The following GBE1 variants were observed in gnomAD, a reference collection of about 807,000 sequenced individuals.
GBE1 encodes the protein 1,4-alpha-glucan branching enzyme 1.
GBE1 carries 70 observed loss-of-function variants against 88.8 expected under a neutral mutation model. That is an observed-to-expected ratio of 0.79 (90% confidence interval 0.65 to 0.96). GBE1 has a LOEUF of 0.96. Among genes scored for constraint, GBE1 ranks in the 40% least tolerant of loss-of-function variants. The pLI is 0.00. For synonymous variants in GBE1, 284 were observed against 300.1 expected (o/e 0.95, Z 0.56); for missense variants, 872 against 871.0 (o/e 1.00, Z -0.01).
rs1179222729 is a variant in GBE1, at chr3:81,720,320, C to CAT, written c.144-14708_144-14707insAT. 4.0e-5 allele frequency among the ~76,000 whole-genome samples: 6 copies of CAT among 150,210 alleles called. No individual in the cohort carries two copies. The East Asian group carries it at 7.8e-4, about 20-fold the overall frequency. On this transcript the variant is annotated intron_variant, in intron 1 of 15. Coordinates refer to ENST00000429644, the MANE Select transcript of GBE1 (RefSeq NM_000158.4). ...TAACATATGCATATACACACATACA[C>CAT]ACACGCACACACTGTGTGTGTATGT...
intron 2 of GBE1, among the ~76,000 whole-genome samples, chr3:81,692,781 TAAAG>T (rs1346630518): frequency 6.6e-6 from 1 of 152,208 alleles, no homozygotes; most frequent in African/African-American, 2.4e-5. Context: ...ATTTCTAACT[TAAAG>T]AAAGGTTAAA....
chr3:81,578,148 T>C, intron 11 of GBE1, 52 bp from the exon 12 acceptor site: 1 of 1,351,654 alleles, frequency 7.4e-7, no homozygotes, highest in Non-Finnish European at 1.0e-6. Context: ...TGCTAAGTAG[T>C]TGTGATTTAC....
At chr3:81,547,927 CT>C (rs1703229919) in intron 12 of GBE1, among the ~76,000 whole-genome samples, 1 of 151,270 alleles carries the variant, frequency 6.6e-6, no homozygotes, top group African/African-American at 2.4e-5. Flanking sequence ...CTGCAGGTCC[CT>C]GAAACAAAAC....
At chr3:81,714,455 A>T (rs1011503697) in intron 1 of GBE1, among the ~76,000 whole-genome samples, 1 of 152,326 alleles carries the variant, frequency 6.6e-6, no homozygotes, top group Non-Finnish European at 1.5e-5. Context: ...CATGTGAAAT[A>T]ATGAATACAC....
chr3:81,662,097 A>G (rs973037645), intron 3 of GBE1, among the ~76,000 whole-genome samples: 2 of 152,130 alleles, frequency 1.3e-5, no homozygotes, highest in African/African-American at 2.4e-5. Context: ...CAATGGCACA[A>G]TCTCGGCTCA....
chr3:81,572,889 G>A (rs987627315), intron 12 of GBE1, among the ~76,000 whole-genome samples: 1 of 151,966 alleles, frequency 6.6e-6, no homozygotes, highest in Non-Finnish European at 1.5e-5. Context: ...CAACATTCCT[G>A]GGTCACATGA....
intron 2 of GBE1, among the ~76,000 whole-genome samples, chr3:81,696,088 A>C (rs370006449): frequency 5.3e-5 from 8 of 152,306 alleles, no homozygotes; most frequent in African/African-American, 1.9e-4. Flanking sequence ...TTTTCCTTAA[A>C]AGGAAATAGT....
At chr3:81,649,743 AC>A (rs1704818189) in intron 4 of GBE1, 52 bp downstream of exon 4, 2 of 1,479,358 alleles carry the variant, frequency 1.4e-6, no homozygotes, top group Non-Finnish European at 1.8e-6. Flanking sequence ...GTAAAAATTA[AC>A]TTTCCTAGAA....
chr3:81,734,369 C>A (rs999438821), intron 1 of GBE1, among the ~76,000 whole-genome samples: 1 of 152,096 alleles, frequency 6.6e-6, no homozygotes, highest in Admixed American at 6.6e-5. Context: ...AAATTACTAT[C>A]AAGTTCTTTG....
intron 14 of GBE1, among the ~76,000 whole-genome samples, chr3:81,506,100 A>T (rs1205273061): frequency 3.3e-5 from 5 of 152,122 alleles, no homozygotes; most frequent in Admixed American, 2.6e-4. Flanking sequence ...CAGAAAAAGA[A>T]ATTATCAACA....
At chr3:81,527,029 C>G (rs1026319308) in intron 14 of GBE1, among the ~76,000 whole-genome samples, 1 of 151,954 alleles carries the variant, frequency 6.6e-6, no homozygotes, top group Non-Finnish European at 1.5e-5. Flanking sequence ...GAGATATAGA[C>G]CAATGGAACA....
At chr3:81,557,252 C>T (rs1703360715) in intron 12 of GBE1, among the ~76,000 whole-genome samples, 1 of 151,892 alleles carries the variant, frequency 6.6e-6, no homozygotes, top group Non-Finnish European at 1.5e-5. Flanking sequence ...ATTATGCATG[C>T]AAAAATGCTG....
At chr3:81,557,942 A>G (rs1239096449) in intron 12 of GBE1, among the ~76,000 whole-genome samples, 1 of 152,090 alleles carries the variant, frequency 6.6e-6, no homozygotes, top group Non-Finnish European at 1.5e-5. Flanking sequence ...TAGTGGGTGC[A>G]GAGGTCTGCA....
chr3:81,575,713 A>G (rs1703639181), intron 12 of GBE1, among the ~76,000 whole-genome samples: 1 of 152,146 alleles, frequency 6.6e-6, no homozygotes, highest in Non-Finnish European at 1.5e-5. Context: ...GCTCTTTTTA[A>G]ATATTAATTT....
intron 14 of GBE1, among the ~76,000 whole-genome samples, chr3:81,501,550 T>C (rs1277354723): frequency 6.6e-6 from 1 of 152,110 alleles, no homozygotes; most frequent in East Asian, 1.9e-4. Context: ...AACTTCTCAC[T>C]AATAGTAGAG....
intron 3 of GBE1, 55 bp downstream of exon 3, chr3:81,670,783 A>G (rs1287336107): frequency 2.1e-6 from 2 of 956,110 alleles, no homozygotes; most frequent in African/African-American, 3.5e-5. Flanking sequence ...AAACTTGGCA[A>G]ACAAGATAAA....
At chr3:81,571,660 A>T (rs1212164279) in intron 12 of GBE1, among the ~76,000 whole-genome samples, 2 of 152,202 alleles carry the variant, frequency 1.3e-5, no homozygotes, top group Non-Finnish European at 2.9e-5. Context: ...ATGAAAGTAA[A>T]GCTTCTGTTC....
intron 1 of GBE1, among the ~76,000 whole-genome samples, chr3:81,759,862 G>A (rs1412050166): frequency 1.3e-5 from 2 of 151,892 alleles, no homozygotes; most frequent in Admixed American, 6.6e-5. Context: ...AAAAAGGAAG[G>A]GGGTGTAGAT....
At chr3:81,669,624 GA>G (rs1228975591) in intron 3 of GBE1, among the ~76,000 whole-genome samples, 1 of 146,420 alleles carries the variant, frequency 6.8e-6, no homozygotes, top group Admixed American at 6.8e-5. Flanking sequence ...ACAGGAGTAG[GA>G]AAAAAAAAAC....
Sources: gnomAD v4.1 joint callset for allele counts (sites outside exome capture counted in the v4.1 genomes callset) on GRCh38, gnomAD v4.1.1 for gene constraint, MANE v1.5 for transcripts, NCBI Gene and HGNC (gene_info 2026-07-23, HGNC 2026-07-21) for gene names.